Variants in PTPRD observed in about 807,000 individuals in gnomAD.
The protein encoded by PTPRD is protein tyrosine phosphatase receptor type D.
In PTPRD, 34 loss-of-function variants were observed where a neutral mutation model predicts 214.5. That is an observed-to-expected ratio of 0.16 (90% confidence interval 0.12 to 0.21). The LOEUF (loss-of-function observed/expected upper bound fraction) is 0.21, where lower values mean the gene tolerates loss of function less well. Ranked by LOEUF, PTPRD falls within the 10% of genes least tolerant of loss-of-function variation. The pLI, the probability that PTPRD is intolerant of heterozygous loss-of-function variation, is 1.00. For missense variants in PTPRD, 2,545 were observed against 2,398.7 expected (o/e 1.06, Z -1.27); for synonymous variants, 1,128 against 845.7 (o/e 1.33, Z -5.79).
intron 2 of PTPRD, among the ~76,000 whole-genome samples, chr9:10,442,586 G>C (rs1250985825): frequency 6.6e-6 from 1 of 151,602 alleles, no homozygotes; most frequent in African/African-American, 2.4e-5. Flanking sequence ...AACAAAGCAA[G>C]GGTTAATAAG....
intron 11 of PTPRD, among the ~76,000 whole-genome samples, chr9:8,842,029 T>C (rs1484879709): frequency 6.7e-6 from 1 of 149,236 alleles, no homozygotes; most frequent in Non-Finnish European, 1.5e-5. Flanking sequence ...AAAATCCAAC[T>C]ATTGCTGCAT....
chr9:10,308,358 A>G (rs2096154869), intron 3 of PTPRD, among the ~76,000 whole-genome samples: 1 of 152,030 alleles, frequency 6.6e-6, no homozygotes, highest in Admixed American at 6.6e-5. Flanking sequence ...TCTTTGCTAA[A>G]AATATTTGGC....
chr9:10,107,691 T>C (rs1287479855), intron 3 of PTPRD, among the ~76,000 whole-genome samples: 1 of 152,110 alleles, frequency 6.6e-6, no homozygotes, highest in Non-Finnish European at 1.5e-5. Context: ...AGTCTAATTG[T>C]TTCCACAGTA....
chr9:10,458,385 T>C (rs1048062604), intron 2 of PTPRD, among the ~76,000 whole-genome samples: 1 of 152,190 alleles, frequency 6.6e-6, no homozygotes, highest in African/African-American at 2.4e-5. Flanking sequence ...AAGGTTGTTT[T>C]AACATATGCA....
chr9:10,257,440 C>A (rs1278719104), intron 3 of PTPRD, among the ~76,000 whole-genome samples: 1 of 152,126 alleles, frequency 6.6e-6, no homozygotes, highest in Non-Finnish European at 1.5e-5. Flanking sequence ...GAGTCAAAAT[C>A]ACCATCAGAG....
intron 9 of PTPRD, among the ~76,000 whole-genome samples, chr9:9,262,756 G>T (rs1457185728): frequency 6.6e-6 from 1 of 151,568 alleles, no homozygotes; most frequent in African/African-American, 2.4e-5. Flanking sequence ...GTTTCTTATT[G>T]TAATCAGTTT....
chr9:10,163,727 T>A (rs2099142447), intron 3 of PTPRD, among the ~76,000 whole-genome samples: 1 of 151,518 alleles, frequency 6.6e-6, no homozygotes, highest in East Asian at 1.9e-4. Context: ...CAAAGAATAT[T>A]CTTCTTAGTA....
chr9:8,964,894 ACTGTTG>A (rs1318382288), intron 11 of PTPRD, among the ~76,000 whole-genome samples: 1 of 151,986 alleles, frequency 6.6e-6, no homozygotes, highest in Non-Finnish European at 1.5e-5. Context: ...TTTTTATTTC[ACTGTTG>A]TCCAAGAGTA....
intron 11 of PTPRD, among the ~76,000 whole-genome samples, chr9:8,869,742 A>T (rs1328613155): frequency 6.6e-6 from 1 of 151,776 alleles, no homozygotes; most frequent in Non-Finnish European, 1.5e-5. Context: ...GAAAAAAAAA[A>T]AAAAAATCAC....
At chr9:10,353,632 T>C (rs1302652471) in intron 2 of PTPRD, among the ~76,000 whole-genome samples, 1 of 151,918 alleles carries the variant, frequency 6.6e-6, no homozygotes, top group Admixed American at 6.6e-5. Flanking sequence ...CAAATAAGAT[T>C]AGAGAGTCAA....
chr9:10,479,241 G>A (rs188996129), intron 2 of PTPRD, among the ~76,000 whole-genome samples: 113 of 152,154 alleles, frequency 7.4e-4, no homozygotes, highest in African/African-American at 2.5e-3. Context: ...TGCCCTGGGC[G>A]TTTACACACA....
Position 10,179,303 on chromosome 9 carries a change from A to G in PTPRD, c.-544-145513T>C, listed in dbSNP as rs921368504. On this transcript the variant is annotated intron_variant, in intron 3 of 45. Coordinates refer to ENST00000381196, the MANE Select transcript of PTPRD (RefSeq NM_002839.4). ...GCAGATGTATCTGGTATAAAAAGTTATAGAAAGCACAAATATCAAAAGTCT... is the reference window on the plus strand; with the variant it reads ...GCAGATGTATCTGGTATAAAAAGTTGTAGAAAGCACAAATATCAAAAGTCT... Among the ~76,000 whole-genome samples, 37 of 152,140 alleles carry G rather than the reference A, an allele frequency of 2.4e-4. 1 individual carries two copies. Among genetic ancestry groups the G allele is most frequent in the South Asian group, 1.0e-3 (5 of 4,826 alleles).
chr9:9,168,476 T>C (rs1744231260), intron 10 of PTPRD, among the ~76,000 whole-genome samples: 1 of 152,188 alleles, frequency 6.6e-6, no homozygotes, highest in South Asian at 2.1e-4. Flanking sequence ...TGAAATACAA[T>C]GGCATAAAAC....
chr9:8,338,102 C>T (rs1167786729), intron 43 of PTPRD, among the ~76,000 whole-genome samples: 1 of 152,052 alleles, frequency 6.6e-6, no homozygotes, highest in African/African-American at 2.4e-5. Flanking sequence ...TTGGAGAAAG[C>T]TGCTTTCCAG....
At chr9:9,948,856 A>G (rs913595794) in intron 4 of PTPRD, among the ~76,000 whole-genome samples, 5 of 152,134 alleles carry the variant, frequency 3.3e-5, no homozygotes, top group Admixed American at 1.3e-4. Flanking sequence ...ATGACAATAA[A>G]AAGATAATTG....
chr9:8,927,576 A>T (rs2098910340), intron 11 of PTPRD, among the ~76,000 whole-genome samples: 1 of 152,138 alleles, frequency 6.6e-6, no homozygotes. Context: ...CATGGTGTAT[A>T]TATGCCACAT....
chr9:9,380,989 C>T (rs139295406), intron 9 of PTPRD, among the ~76,000 whole-genome samples: 56 of 152,204 alleles, frequency 3.7e-4, no homozygotes, highest in African/African-American at 1.3e-3. Context: ...TTGTCTGAAA[C>T]TAATAATAGC....
intron 2 of PTPRD, among the ~76,000 whole-genome samples, chr9:10,402,237 G>C (rs1204934838): frequency 6.6e-6 from 1 of 151,590 alleles, no homozygotes; most frequent in Non-Finnish European, 1.5e-5. Context: ...GCAATAAATA[G>C]CTACATGGGG....
intron 9 of PTPRD, among the ~76,000 whole-genome samples, chr9:9,233,927 A>C: frequency 6.6e-6 from 1 of 152,096 alleles, no homozygotes; most frequent in East Asian, 1.9e-4. Flanking sequence ...TTTTCCAGGT[A>C]CATAATGCAA....
Sources: gnomAD v4.1 joint callset for allele counts (sites outside exome capture counted in the v4.1 genomes callset) on GRCh38, gnomAD v4.1.1 for gene constraint, MANE v1.5 for transcripts, NCBI Gene and HGNC (gene_info 2026-07-23, HGNC 2026-07-21) for gene names.